DNMBP: variants seen among roughly 807,000 people sequenced by gnomAD.
DNMBP encodes dynamin binding protein.
Under a neutral mutation model 150.0 loss-of-function variants are expected in DNMBP, and 87 were observed. The observed-to-expected ratio is 0.58, with a 90% CI of 0.49 to 0.69. The LOEUF (loss-of-function observed/expected upper bound fraction) is 0.69. DNMBP is among the 30% of genes least tolerant of loss of function. DNMBP has a pLI of 0.00. For synonymous variants in DNMBP, 711 were observed against 750.4 expected, an observed-to-expected ratio of 0.95 and a Z score of 0.86; for missense variants, 1,774 against 1,949.0, an observed-to-expected ratio of 0.91 and a Z score of 1.69.
chr10:99,915,108 A>AAAAAAAATATATAT (rs10654940), intron 4 of DNMBP, among the ~76,000 whole-genome samples: 53 of 99,772 alleles, frequency 5.3e-4, no homozygotes, highest in African/African-American at 1.8e-3. Context: ...AAAAAAAAAA[A>AAAAAAAATATATAT]ATATATATAT....
intron 3 of DNMBP, among the ~76,000 whole-genome samples, chr10:99,965,067 T>TA (rs1372352963): frequency 6.6e-6 from 1 of 152,016 alleles, no homozygotes; most frequent in African/African-American, 2.4e-5. Flanking sequence ...AGAAACAAGA[T>TA]ACCCAAAGCA....
intron 1 of DNMBP, among the ~76,000 whole-genome samples, chr10:99,982,406 T>C (rs2040788098): frequency 6.6e-6 from 1 of 151,996 alleles, no homozygotes; most frequent in Admixed American, 6.6e-5. Flanking sequence ...ATCGTGCTAC[T>C]GCAATCCAGC....
chr10:100,002,122 T>C (rs1246235680), intron 1 of DNMBP, among the ~76,000 whole-genome samples: 1 of 152,140 alleles, frequency 6.6e-6, no homozygotes, highest in Non-Finnish European at 1.5e-5. Flanking sequence ...TAGAAAATGA[T>C]ATAGTGCAAT....
intron 4 of DNMBP, among the ~76,000 whole-genome samples, chr10:99,915,094 C>CAAAAAAA (rs1290992306): frequency 2.1e-4 from 17 of 81,546 alleles, no homozygotes; most frequent in East Asian, 1.2e-3. Flanking sequence ...AACTCTGTCT[C>CAAAAAAA]AAAAAAAAAA....
At chr10:99,983,822 C>T (rs2040803185) in intron 1 of DNMBP, among the ~76,000 whole-genome samples, 2 of 152,194 alleles carry the variant, frequency 1.3e-5, no homozygotes, top group Non-Finnish European at 2.9e-5. Flanking sequence ...TATATTGCAA[C>T]ACTTTGCTGA....
At chr10:99,880,451 G>T (rs1460476730) in intron 15 of DNMBP, 90 bp from the exon 16 acceptor site, 1 of 1,411,566 alleles carries the variant, frequency 7.1e-7, no homozygotes, top group Non-Finnish European at 9.3e-7. Flanking sequence ...ACTGATCTAG[G>T]TTATTCATCT....
At chr10:99,899,841 T>G in intron 7 of DNMBP, 78 bp downstream of exon 7, 1 of 1,456,782 alleles carries the variant, frequency 6.9e-7, no homozygotes, top group Non-Finnish European at 9.6e-7. Flanking sequence ...GATGTCATCA[T>G]CAAGTCCAGG....
In DNMBP at chr10:99,909,075, C is replaced by A. The variant is rs2039866746; in HGVS notation, c.2332G>T (p.Glu778Ter). Residue 778 changes from glutamate to a stop codon, truncating the protein, a stop_gained, in exon 5 of 17, where the codon GAG becomes TAG. Transcript: ENST00000324109. LOFTEE classifies it high-confidence loss of function. ...GCTCTCTTCTCCAGCATCCTCTGCT[C>A]TGGATTTTCGGCAGACACAGACCCA... ...PSGSVSAENP[E>*]QRMLEKRAKV... 6.2e-7 allele frequency: 1 copy of A among 1,614,028 alleles called. No homozygotes were observed. Among genetic ancestry groups the A allele is most frequent in the African/African-American group, 1.3e-5 (1 of 74,926 alleles).
intron 4 of DNMBP, among the ~76,000 whole-genome samples, chr10:99,946,196 C>T (rs2133313267): frequency 6.6e-6 from 1 of 152,312 alleles, no homozygotes; most frequent in African/African-American, 2.4e-5. Flanking sequence ...GACCTCAAGT[C>T]ATCCATCCGC....
intron 13 of DNMBP, 62 bp from the exon 14 acceptor site, chr10:99,885,928 G>A (rs2039452764): frequency 1.5e-5 from 21 of 1,422,650 alleles, no homozygotes; most frequent in South Asian, 2.8e-5. Context: ...AGATCCCAGA[G>A]AAAAGAAGAA....
chr10:100,002,452 T>C (rs888722165), intron 1 of DNMBP, among the ~76,000 whole-genome samples: 6 of 152,168 alleles, frequency 3.9e-5, no homozygotes, highest in African/African-American at 1.4e-4. Context: ...TGAGATATAA[T>C]TTAGTAAGAT....
intron 1 of DNMBP, among the ~76,000 whole-genome samples, chr10:99,981,303 T>C (rs12778479): frequency 0.34 from 51,866 of 151,880 alleles, 8,986 homozygotes; most frequent in African/African-American, 0.39. Context: ...TGCCTCAGCC[T>C]CCTGAGTAGC....
At chr10:99,979,175 G>T (rs2040759389) in intron 1 of DNMBP, among the ~76,000 whole-genome samples, 1 of 152,160 alleles carries the variant, frequency 6.6e-6, no homozygotes, top group East Asian at 1.9e-4. Flanking sequence ...CTAATCATTT[G>T]ATGACCCTTC....
intron 4 of DNMBP, among the ~76,000 whole-genome samples, chr10:99,949,325 C>G (rs1020514518): frequency 2.6e-5 from 4 of 152,248 alleles, no homozygotes; most frequent in African/African-American, 9.6e-5. Context: ...TCTCAGTAAG[C>G]ATATTAACAA....
At chr10:99,911,313 A>C (rs943386518) in intron 4 of DNMBP, among the ~76,000 whole-genome samples, 1 of 151,976 alleles carries the variant, frequency 6.6e-6, no homozygotes, top group African/African-American at 2.4e-5. Flanking sequence ...CTGAGGTCAG[A>C]AGTTCGAGAC....
rs755299402 is a variant in DNMBP at position 99,880,171 on chromosome 10, C to T, written c.4188G>A (p.Ser1396=). 14 of 1,614,010 alleles carry T rather than the reference C, an allele frequency of 8.7e-6. No homozygotes were observed. The highest frequency in any genetic ancestry group is 1.6e-4 in the Middle Eastern group (1 of 6,084). Residue 1396 remains serine (S), a synonymous_variant, in exon 16 of 17, where the codon TCG becomes TCA. Coordinates refer to ENST00000324109, the MANE Select transcript of DNMBP (RefSeq NM_015221.4). ...NPSSMAVSFT[S]GSCQKQPQDA... Reference sequence around the variant, plus strand: ...CTTGAGGCTGCTTCTGGCAAGACCCCGAGGTAAAGGATACAGCCATGCTGC... The same window carrying T: ...CTTGAGGCTGCTTCTGGCAAGACCCTGAGGTAAAGGATACAGCCATGCTGC...
At chr10:99,989,665 C>A (rs985689359) in intron 1 of DNMBP, among the ~76,000 whole-genome samples, 3 of 152,036 alleles carry the variant, frequency 2.0e-5, no homozygotes, top group African/African-American at 4.8e-5. Flanking sequence ...GAGCCGAGAT[C>A]GCGCCATCGC....
chr10:99,905,828 G>A (rs151031924), intron 6 of DNMBP, among the ~76,000 whole-genome samples: 2 of 152,266 alleles, frequency 1.3e-5, no homozygotes, highest in East Asian at 3.9e-4. Flanking sequence ...AAACTAGCTG[G>A]GCCTGATGGT....
At chr10:99,907,872 G>A in intron 6 of DNMBP, 123 bp downstream of exon 6, 1 of 670,124 alleles carries the variant, frequency 1.5e-6, no homozygotes, top group East Asian at 2.7e-5. Context: ...AGTAACCTCT[G>A]GACTAAGTAC....
Sources: gnomAD v4.1 joint callset for allele counts (sites outside exome capture counted in the v4.1 genomes callset) on GRCh38, gnomAD v4.1.1 for gene constraint, MANE v1.5 for transcripts, NCBI Gene and HGNC (gene_info 2026-07-23, HGNC 2026-07-21) for gene names.